Variants in RHOBTB3 observed in about 807,000 individuals in gnomAD.
RHOBTB3 encodes the protein Rho related BTB domain containing 3.
In RHOBTB3, 47 loss-of-function variants were observed where a neutral mutation model predicts 67.2. The observed-to-expected ratio is 0.70, with a 90% CI of 0.55 to 0.89. The LOEUF is 0.89. RHOBTB3 is among the 40% of genes least tolerant of loss of function. The pLI, the probability that RHOBTB3 is intolerant of heterozygous loss-of-function variation, is 0.00. For missense variants in RHOBTB3, 631 were observed against 750.0 expected (o/e 0.84, Z 1.85); for synonymous variants, 273 against 274.2 (o/e 1.00, Z 0.04).
At position 95,755,590 on chromosome 5, in the gene RHOBTB3, A is replaced by C. The variant is rs146973484; in HGVS notation, c.877A>C (p.Ile293Leu). ...LLFNVKSPTD[I>L]QDSSIIRTTQ... ...TTTCAATGTGAAGAGTCCCACTGAC[A>C]TTCAGGATTCCAGTATCATCCGAAC... Residue 293 changes from isoleucine (I) to leucine (L), a missense_variant, in exon 6 of 12, where the codon ATT becomes CTT. Physicochemically the swap from Ile to Leu is conservative, Grantham distance 5 (BLOSUM62 2). Transcript: ENST00000379982. 6.2e-7 allele frequency: 1 copy of C among 1,614,134 alleles called. No individual in the cohort carries two copies. The highest frequency in any genetic ancestry group is 2.2e-5 in the East Asian group (1 of 44,886).
rs1755465741 is a variant in RHOBTB3 at position 95,736,882 on chromosome 5, G to A, written c.229-7G>A. The stretch of plus-strand genomic sequence containing the variant: ...GACTAAAGATTGCTATTTGCATTTT[G>A]GTTTAGGACATATTTGACAGTGATT... On this transcript the variant is annotated splice_polypyrimidine_tract_variant and splice_region_variant and intron_variant, in intron 2 of 11. Coordinates refer to ENST00000379982, the MANE Select transcript of RHOBTB3 (RefSeq NM_014899.4). 3 of 1,573,012 alleles carry A rather than the reference G, an allele frequency of 1.9e-6. No homozygotes were observed. Among genetic ancestry groups the A allele is most frequent in the Non-Finnish European group, 2.6e-6 (3 of 1,160,040 alleles).
upstream of RHOBTB3, among the ~76,000 whole-genome samples, chr5:95,730,114 T>C (rs1755176704): frequency 6.6e-6 from 1 of 151,822 alleles, no homozygotes; most frequent in Non-Finnish European, 1.5e-5. Flanking sequence ...ACATAAAGAA[T>C]ATCTCCCATT....
chr5:95,747,451 C>T (rs1358492536), intron 3 of RHOBTB3, among the ~76,000 whole-genome samples: 1 of 152,188 alleles, frequency 6.6e-6, no homozygotes, highest in Non-Finnish European at 1.5e-5. Flanking sequence ...ACATGCATTT[C>T]TAGAAATGAA....
At chr5:95,719,555 T>C (rs1754802155) in intron 1 of RHOBTB3, 1 of 152,216 alleles carries the variant, frequency 6.6e-6, no homozygotes, top group Non-Finnish European at 1.5e-5. Context: ...TTGGTCTAGC[T>C]CTGGAGATTC....
chr5:95,733,415 T>C (rs1442960888), intron 2 of RHOBTB3, among the ~76,000 whole-genome samples: 6 of 152,232 alleles, frequency 3.9e-5, no homozygotes, highest in Admixed American at 1.3e-4. Flanking sequence ...CGAGTAAATG[T>C]AGGGAAAATA....
intron 2 of RHOBTB3, among the ~76,000 whole-genome samples, chr5:95,732,922 C>T (rs1374875968): frequency 1.3e-5 from 2 of 152,010 alleles, no homozygotes; most frequent in African/African-American, 2.4e-5. Context: ...ATTGGAGTTA[C>T]GTATGTTTCA....
intron 4 of RHOBTB3, among the ~76,000 whole-genome samples, chr5:95,751,909 G>A (rs139703251): frequency 9.9e-5 from 15 of 152,040 alleles, no homozygotes; most frequent in South Asian, 2.1e-4. Flanking sequence ...GTGTATATGC[G>A]CCACGTTTTC....
chr5:95,755,608 A>G lies in RHOBTB3; in HGVS notation c.895A>G (p.Ile299Val), dbSNP rs1443460057. Residue 299 changes from isoleucine (I) to valine (V), a missense_variant, in exon 6 of 12, where the codon ATC becomes GTC. Ile to Val is a conservative substitution (Grantham distance 29). Coordinates refer to ENST00000379982, the MANE Select transcript of RHOBTB3 (RefSeq NM_014899.4). ...SPTDIQDSSI[I>V]RTTQDLFAIN... ...CACTGACATTCAGGATTCCAGTATC[A>G]TCCGAACTACCCAGGATCTTTTTGC... The G allele has an allele frequency of 1.2e-6, 2 of 1,614,174 alleles. No homozygotes were observed. Among genetic ancestry groups the G allele is most frequent in the Non-Finnish European group, 1.7e-6 (2 of 1,180,020 alleles).
chr5:95,735,886 A>C (rs746010149), intron 2 of RHOBTB3, among the ~76,000 whole-genome samples: 3 of 152,174 alleles, frequency 2.0e-5, no homozygotes, highest in Non-Finnish European at 4.4e-5. Flanking sequence ...AGACTGCCTG[A>C]GCTCAGAAGC....
intron 1 of RHOBTB3, among the ~76,000 whole-genome samples, chr5:95,724,347 A>T (rs1338108517): frequency 6.6e-6 from 1 of 152,276 alleles, no homozygotes; most frequent in East Asian, 1.9e-4. Flanking sequence ...TTCTGAAACT[A>T]ATCAGAAGTG....
At chr5:95,749,690 G>A (rs569112332) in intron 4 of RHOBTB3, among the ~76,000 whole-genome samples, 5 of 152,282 alleles carry the variant, frequency 3.3e-5, no homozygotes, top group Admixed American at 2.0e-4. Context: ...TACCTGGGAA[G>A]CTGGAGAGCA....
At chr5:95,731,148 C>T (rs569810177), upstream of RHOBTB3, 46 of 1,015,450 alleles carry the variant, frequency 4.5e-5, no homozygotes, top group African/African-American at 3.1e-4. Flanking sequence ...CGGCGCCCCG[C>T]GCGGGCGGCT....
intron 8 of RHOBTB3, 32 bp downstream of exon 8, chr5:95,768,198 C>T (rs763736929): frequency 1.3e-6 from 2 of 1,579,538 alleles, no homozygotes; most frequent in South Asian, 1.2e-5. Context: ...GTTTATGATT[C>T]ATTTTTATTT....
intron 9 of RHOBTB3, 124 bp from the exon 10 acceptor site, chr5:95,783,673 T>C: frequency 1.4e-6 from 1 of 705,198 alleles, no homozygotes; most frequent in Admixed American, 2.4e-5. Flanking sequence ...AACCATTCTA[T>C]TCTATGGTGG....
intron 9 of RHOBTB3, chr5:95,782,754 G>A (rs1288057235): frequency 6.8e-6 from 1 of 147,062 alleles, no homozygotes. Flanking sequence ...AGCTTGCAGT[G>A]AGCCAAGATC....
At chr5:95,776,724 C>T (rs1341320673) in intron 8 of RHOBTB3, among the ~76,000 whole-genome samples, 1 of 152,050 alleles carries the variant, frequency 6.6e-6, no homozygotes, top group Non-Finnish European at 1.5e-5. Context: ...GTAGGTTTGG[C>T]TATGTTACTT....
intron 1 of RHOBTB3, 61 bp from the exon 2 acceptor site, chr5:95,731,798 G>T (rs1027998154): frequency 1.2e-6 from 2 of 1,603,058 alleles, no homozygotes; most frequent in African/African-American, 1.3e-5. Flanking sequence ...TTCCTGTTCC[G>T]AGGAGAGACC....
At position 95,755,393 on chromosome 5, in the gene RHOBTB3, C is replaced by T; in HGVS notation, c.683-3C>T. On this transcript the variant is annotated splice_polypyrimidine_tract_variant and splice_region_variant and intron_variant, in intron 5 of 11. Coordinates refer to ENST00000379982, the MANE Select transcript of RHOBTB3 (RefSeq NM_014899.4). ...ATTATTTTTATTTTCTTTTTCAAAA[C>T]AGAAAAAATGCCTGTCTTAAAGGCT... 6.7e-7 allele frequency: 1 copy of T among 1,493,160 alleles called. No individual in the cohort carries two copies. The highest frequency in any genetic ancestry group is 1.5e-5 in the South Asian group (1 of 67,434). The allele number at this position is 1,493,160 out of a possible 1,614,324, so 92.5% of individuals were successfully genotyped here.
chr5:95,793,149 G>A lies in RHOBTB3; in HGVS notation c.1811G>A (p.Arg604Gln), dbSNP rs374462478. 7.3e-5 allele frequency: 118 copies of A among 1,610,814 alleles called. 1 individual carries two copies. In the Admixed American group the frequency reaches 1.3e-3, roughly 18 times the overall value. Residue 604 changes from arginine to glutamine, a missense_variant, in exon 12 of 12, where the codon CGG (arginine) becomes CAG (glutamine). Arg to Gln is a conservative substitution (Grantham distance 43). Transcript: ENST00000379982. ...GAATACAGGAAGTATATTCACTCCCGGAAATGTCGTTGCTTAGTAATGTAA... is the reference window on the plus strand; with the variant it reads ...GAATACAGGAAGTATATTCACTCCCAGAAATGTCGTTGCTTAGTAATGTAA... ...LAEYRKYIHS[R>Q]KCRCLVM
Sources: allele counts gnomAD v4.1 joint callset (sites outside exome capture counted in the v4.1 genomes callset), GRCh38; gene constraint gnomAD v4.1.1; transcripts MANE v1.5; gene names NCBI Gene and HGNC (gene_info 2026-07-23, HGNC 2026-07-21).